The following TAOK3 variants were observed in gnomAD, a reference collection of about 807,000 sequenced individuals.
TAOK3 encodes the protein TAO kinase 3.
In TAOK3, 40 loss-of-function variants were observed where a neutral mutation model predicts 120.4. The observed-to-expected ratio is 0.33, with a 90% CI of 0.26 to 0.43. The LOEUF (loss-of-function observed/expected upper bound fraction) is 0.43. Among genes scored for constraint, TAOK3 ranks in the 20% least tolerant of loss-of-function variants. The probability of loss-of-function intolerance (pLI) is 1.00; values close to 1 mark genes in which losing one functional copy is unlikely to be tolerated. For synonymous variants in TAOK3, 355 were observed against 387.5 expected (o/e 0.92, Z 0.99); for missense variants, 821 against 1,112.1 (o/e 0.74, Z 3.72).
At chr12:118,328,618 T>C (rs2044025159) in intron 1 of TAOK3, among the ~76,000 whole-genome samples, 1 of 152,210 alleles carries the variant, frequency 6.6e-6, no homozygotes, top group Admixed American at 6.5e-5. Flanking sequence ...AAACCACAGT[T>C]ATTTCAGAAA....
At chr12:118,344,938 G>A (rs1415786195) in intron 1 of TAOK3, among the ~76,000 whole-genome samples, 2 of 151,996 alleles carry the variant, frequency 1.3e-5, no homozygotes, top group African/African-American at 4.8e-5. Context: ...TAATACCCAT[G>A]CCCCTCTTCA....
chr12:118,166,995 G>A (rs905484192), intron 17 of TAOK3, among the ~76,000 whole-genome samples: 4 of 152,126 alleles, frequency 2.6e-5, no homozygotes, highest in South Asian at 2.1e-4. Flanking sequence ...TAAAAGCAGC[G>A]GATTTCACTC....
chr12:118,209,860 C>A lies in TAOK3; in HGVS notation c.819+3054G>T, dbSNP rs114510523. On this transcript the variant is annotated intron_variant, in intron 11 of 20. Coordinates refer to ENST00000392533, the MANE Select transcript of TAOK3 (RefSeq NM_016281.4). The stretch of plus-strand genomic sequence containing the variant: ...TCCGAAGCAGCTGGGACTAAAGGCG[C>A]ATGCCACTGCACCTGGCTAATTTTT... Among the ~76,000 whole-genome samples, 334 of 152,120 alleles carry A rather than the reference C, an allele frequency of 2.2e-3. 1 individual carries two copies. The highest frequency in any genetic ancestry group is 7.7e-3 in the African/African-American group (320 of 41,506).
At chr12:118,209,834 C>A (rs541861914) in intron 11 of TAOK3, among the ~76,000 whole-genome samples, 7 of 152,028 alleles carry the variant, frequency 4.6e-5, no homozygotes, top group African/African-American at 1.7e-4. Flanking sequence ...CTCCTTGAGC[C>A]TCCGAAGCAG....
intron 11 of TAOK3, among the ~76,000 whole-genome samples, chr12:118,212,713 A>T (rs1450256962): frequency 1.3e-5 from 2 of 152,134 alleles, no homozygotes; most frequent in African/African-American, 4.8e-5. Flanking sequence ...ATAGGGAAAA[A>T]CCTATCCACA....
chr12:118,360,524 C>T (rs1469628923), intron 1 of TAOK3, among the ~76,000 whole-genome samples: 7 of 144,728 alleles, frequency 4.8e-5, no homozygotes, highest in Admixed American at 2.9e-4. Flanking sequence ...GCCAAGATCG[C>T]GCCACTGGAC....
chr12:118,223,062 CTTTTTTT>C (rs75334511), intron 9 of TAOK3, among the ~76,000 whole-genome samples: 26 of 120,070 alleles, frequency 2.2e-4, no homozygotes, highest in East Asian at 7.3e-4. Flanking sequence ...TTCTTTCTTT[CTTTTTTT>C]TTTTTTTTTT....
At position 118,201,435 on chromosome 12, in the gene TAOK3, A is replaced by T; in HGVS notation, c.848T>A (p.Leu283Gln). Residue 283 changes from leucine to glutamine, a missense_variant, in exon 12 of 21, where the codon CTA becomes CAA. Physicochemically the swap from Leu to Gln is moderately radical, Grantham distance 113. Around this residue, in one of 2 missense-constraint regions of TAOK3, gnomAD observed 467 missense variants for 540.0 expected, o/e 0.86. Coordinates refer to ENST00000392533, the MANE Select transcript of TAOK3 (RefSeq NM_016281.4). ...CTGTATGAGGTCAATGAGGACACGTAGTGGCCGGTCTCGTCGAACAAAGTC... is the reference window on the plus strand; with the variant it reads ...CTGTATGAGGTCAATGAGGACACGTTGTGGCCGGTCTCGTCGAACAAAGTC... ...RHDFVRRDRP[L>Q]RVLIDLIQRT... 1.9e-6 allele frequency: 3 copies of T among 1,613,132 alleles called. No individual in the cohort carries two copies. Among genetic ancestry groups the T allele is most frequent in the Non-Finnish European group, 2.5e-6 (3 of 1,179,578 alleles).
chr12:118,335,404 C>T (rs1052210043), intron 1 of TAOK3, among the ~76,000 whole-genome samples: 9 of 152,138 alleles, frequency 5.9e-5, no homozygotes, highest in Admixed American at 2.6e-4. Context: ...CTCAATTTCT[C>T]TAAAACCACA....
chr12:118,151,289 G>GCGCACACACA (rs1214641528), intron 20 of TAOK3, 131 bp from the exon 21 acceptor site: 50 of 253,120 alleles, frequency 2.0e-4, no homozygotes, highest in African/African-American at 1.0e-3. Context: ...GCGCGCGCGC[G>GCGCACACACA]CACACACACA....
At chr12:118,276,927 C>T (rs2041922713) in intron 1 of TAOK3, among the ~76,000 whole-genome samples, 1 of 152,120 alleles carries the variant, frequency 6.6e-6, no homozygotes, top group Non-Finnish European at 1.5e-5. Context: ...ATCACTTAAA[C>T]CCAGGAGACA....
intron 1 of TAOK3, among the ~76,000 whole-genome samples, chr12:118,360,339 A>G (rs2045552464): frequency 6.6e-6 from 1 of 151,782 alleles, no homozygotes; most frequent in Admixed American, 6.6e-5. Context: ...AGGCTGAGGC[A>G]GGCGGATCAC....
chr12:118,289,856 G>A (rs61945226), intron 1 of TAOK3, among the ~76,000 whole-genome samples: 18,518 of 151,954 alleles, frequency 0.12, 1,216 homozygotes, highest in Middle Eastern at 0.15. Context: ...TTAGCTGGGC[G>A]TGGTGGTGGG....
intron 1 of TAOK3, among the ~76,000 whole-genome samples, chr12:118,289,296 C>CAA (rs59297201): frequency 0.19 from 14,904 of 78,136 alleles, 1,628 homozygotes; most frequent in East Asian, 0.26. Flanking sequence ...AAGACTGTCT[C>CAA]AAAAAAAAAA....
chr12:118,211,944 AAGT>A (rs1344978106), intron 11 of TAOK3, among the ~76,000 whole-genome samples: 1 of 152,190 alleles, frequency 6.6e-6, no homozygotes, highest in East Asian at 1.9e-4. Context: ...AATTGTTGCT[AAGT>A]AGTTCATGTT....
chr12:118,167,669 CT>C (rs74263402), intron 17 of TAOK3, among the ~76,000 whole-genome samples: 18,135 of 139,700 alleles, frequency 0.13, 1,110 homozygotes, highest in Middle Eastern at 0.18. Flanking sequence ...TTTATAGGCT[CT>C]TTTTTTTTTT....
At position 118,233,785 on chromosome 12, in the gene TAOK3, A is replaced by C. The variant is rs2039890902; in HGVS notation, c.552-20T>G. On this transcript the variant is annotated intron_variant, in intron 8 of 20. Transcript: ENST00000392533. ...GCCATCCTACCAAACATAAGGTACA[A>C]AACTCAAGTTGGAGATTAAAAACAA... 6.4e-7 allele frequency: 1 copy of C among 1,570,728 alleles called. No individual in the cohort carries two copies. Among genetic ancestry groups the C allele is most frequent in the African/African-American group, 1.4e-5 (1 of 73,066 alleles).
At chr12:118,199,361 T>G in intron 12 of TAOK3, 104 bp from the exon 13 acceptor site, 1 of 874,476 alleles carries the variant, frequency 1.1e-6, no homozygotes, top group Non-Finnish European at 1.9e-6. Flanking sequence ...TCAAGTTGCT[T>G]TTCTGCCAAT....
intron 5 of TAOK3, among the ~76,000 whole-genome samples, chr12:118,242,059 C>T (rs1388232731): frequency 2.0e-5 from 3 of 150,794 alleles, no homozygotes; most frequent in African/African-American, 7.3e-5. Flanking sequence ...TGCACTCCAG[C>T]CTGGGCAACA....
Sources: allele counts gnomAD v4.1 joint callset (sites outside exome capture counted in the v4.1 genomes callset), GRCh38; gene constraint gnomAD v4.1.1; regional missense constraint gnomAD v4.1.1; transcripts MANE v1.5; gene names NCBI Gene and HGNC (gene_info 2026-07-23, HGNC 2026-07-21).